The following TAF3 variants were observed in gnomAD, a reference collection of about 807,000 sequenced individuals.
TAF3 encodes transcription initiation factor TFIID subunit 3.
Under a neutral mutation model 80.6 loss-of-function variants are expected in TAF3, and 7 were observed. The ratio of observed to expected loss-of-function variants is 0.09; its 90% CI spans 0.05 to 0.16. The LOEUF (loss-of-function observed/expected upper bound fraction) is 0.16, where lower values mean the gene tolerates loss of function less well. Among genes scored for constraint, TAF3 ranks in the 10% least tolerant of loss-of-function variants. The probability of loss-of-function intolerance (pLI) is 1.00; values close to 1 mark genes in which losing one functional copy is unlikely to be tolerated. For missense variants in TAF3, 921 were observed against 1,140.2 expected (o/e 0.81, Z 2.77); for synonymous variants, 444 against 446.1 (o/e 1.00, Z 0.06).
At chr10:7,985,752 G>A (rs975324239) in intron 4 of TAF3, among the ~76,000 whole-genome samples, 4 of 149,076 alleles carry the variant, frequency 2.7e-5, no homozygotes, top group Non-Finnish European at 3.0e-5. Context: ...GTGGTACTAC[G>A]CTAGACTCAG....
At chr10:7,871,435 C>CTTTTGTTTTTTTTTT (rs1837263965) in intron 2 of TAF3, among the ~76,000 whole-genome samples, 1 of 69,116 alleles carries the variant, frequency 1.4e-5, no homozygotes, top group Non-Finnish European at 2.9e-5. Context: ...ATAACTGCTG[C>CTTTTGTTTTTTTTTT]TTTTTTTTTT....
chr10:7,990,934 C>T (rs1831827653), intron 4 of TAF3, among the ~76,000 whole-genome samples: 1 of 152,176 alleles, frequency 6.6e-6, no homozygotes, highest in South Asian at 2.1e-4. Context: ...CTCCGTAGTC[C>T]TAGATGTTAG....
At chr10:7,988,036 A>G (rs1482137114) in intron 4 of TAF3, among the ~76,000 whole-genome samples, 1 of 152,164 alleles carries the variant, frequency 6.6e-6, no homozygotes, top group Non-Finnish European at 1.5e-5. Flanking sequence ...CTGTGAAGGA[A>G]CCTGGGAAAT....
At chr10:7,884,368 C>T (rs1377451731) in intron 2 of TAF3, among the ~76,000 whole-genome samples, 2 of 147,406 alleles carry the variant, frequency 1.4e-5, no homozygotes, top group Non-Finnish European at 3.0e-5. Flanking sequence ...TGGAAGCAGC[C>T]GTTTCTCCAA....
intron 4 of TAF3, among the ~76,000 whole-genome samples, chr10:7,996,657 T>G (rs559530976): frequency 6.6e-6 from 1 of 151,966 alleles, no homozygotes; most frequent in African/African-American, 2.4e-5. Flanking sequence ...TTTTTTTGTG[T>G]TATCTGTATT....
At chr10:7,860,547 G>A (rs1191974192) in intron 2 of TAF3, among the ~76,000 whole-genome samples, 1 of 151,992 alleles carries the variant, frequency 6.6e-6, no homozygotes, top group East Asian at 1.9e-4. Context: ...TGTACTACTT[G>A]GTTGTCCAGA....
chr10:7,826,231 A>G (rs1836739659), intron 2 of TAF3, among the ~76,000 whole-genome samples: 1 of 152,188 alleles, frequency 6.6e-6, no homozygotes, highest in Non-Finnish European at 1.5e-5. Flanking sequence ...ATACTAACAC[A>G]CCGACAGCCC....
chr10:7,854,611 A>G (rs1050401757), intron 2 of TAF3, among the ~76,000 whole-genome samples: 1 of 145,926 alleles, frequency 6.9e-6, no homozygotes, highest in Admixed American at 6.8e-5. Flanking sequence ...ACCTTGAAGG[A>G]TAAGATTTAA....
chr10:7,870,258 A>G (rs773956528), intron 2 of TAF3, among the ~76,000 whole-genome samples: 4 of 152,212 alleles, frequency 2.6e-5, no homozygotes, highest in Admixed American at 6.5e-5. Flanking sequence ...TGAAATTCTC[A>G]TCAGTCATTG....
intron 2 of TAF3, among the ~76,000 whole-genome samples, chr10:7,866,325 T>C (rs1199152079): frequency 6.6e-6 from 1 of 152,086 alleles, no homozygotes; most frequent in Non-Finnish European, 1.5e-5. Context: ...AATAAGAAGA[T>C]GAGAGATGAG....
Position 8,009,916 on chromosome 10 carries a change from G to A in TAF3, c.2568+586G>A, listed in dbSNP as rs772833476. Among the ~76,000 whole-genome samples the A allele has an allele frequency of 4.0e-5, 6 of 151,490 alleles. No individual in the cohort carries two copies. Among genetic ancestry groups the A allele is most frequent in the Non-Finnish European group, 8.8e-5 (6 of 67,902 alleles). ...ATTACAGGCATGAGCCACCGTGCCCGGCTTTTTTTTTTTGAAAGGGGATTT... is the reference window on the plus strand; with the variant it reads ...ATTACAGGCATGAGCCACCGTGCCCAGCTTTTTTTTTTTGAAAGGGGATTT... On this transcript the variant is annotated intron_variant, in intron 5 of 6. Coordinates refer to ENST00000344293, the MANE Select transcript of TAF3 (RefSeq NM_031923.4). This position sits in a 1 kb window ranked among gnomAD's most constrained non-coding sequence, Gnocchi z 4.1.
intron 2 of TAF3, among the ~76,000 whole-genome samples, chr10:7,933,108 A>G (rs2131198883): frequency 6.6e-6 from 1 of 152,292 alleles, no homozygotes; most frequent in African/African-American, 2.4e-5. Context: ...CAAAAAAAAA[A>G]ATACCTGGCT....
intron 3 of TAF3, among the ~76,000 whole-genome samples, chr10:7,966,496 C>T (rs529237541): frequency 9.8e-5 from 15 of 152,332 alleles, no homozygotes; most frequent in African/African-American, 3.6e-4. Flanking sequence ...GTGACCTCTG[C>T]TTACCCAGCT....
chr10:7,854,566 G>C (rs1837060421), intron 2 of TAF3, among the ~76,000 whole-genome samples: 1 of 151,682 alleles, frequency 6.6e-6, no homozygotes, highest in African/African-American at 2.4e-5. Flanking sequence ...ACTGGAAGAA[G>C]CCTGGGGAGG....
intron 2 of TAF3, among the ~76,000 whole-genome samples, chr10:7,906,587 C>A (rs1837610316): frequency 6.6e-6 from 1 of 151,892 alleles, no homozygotes; most frequent in South Asian, 2.1e-4. Context: ...GCTTTATGGA[C>A]CTGAACAAAT....
chr10:7,838,655 T>G (rs1479984533), intron 2 of TAF3, among the ~76,000 whole-genome samples: 1 of 152,176 alleles, frequency 6.6e-6, no homozygotes, highest in Non-Finnish European at 1.5e-5. Flanking sequence ...GTGTTGGGAT[T>G]ATGGGCGTGA....
intron 3 of TAF3, among the ~76,000 whole-genome samples, chr10:7,971,290 C>T (rs1831619167): frequency 6.6e-6 from 1 of 152,138 alleles, no homozygotes; most frequent in African/African-American, 2.4e-5. Context: ...CTGAGAAATA[C>T]AAGATGGTTA....
intron 3 of TAF3, among the ~76,000 whole-genome samples, chr10:7,973,760 G>A (rs775036372): frequency 6.6e-6 from 1 of 152,176 alleles, no homozygotes; most frequent in Non-Finnish European, 1.5e-5. Context: ...GAAAGATGAG[G>A]AAGTCTTAAA....
intron 3 of TAF3, among the ~76,000 whole-genome samples, chr10:7,969,506 G>C (rs910725995): frequency 6.6e-6 from 1 of 151,996 alleles, no homozygotes; most frequent in Non-Finnish European, 1.5e-5. Flanking sequence ...TGGATCTTTG[G>C]GGTTTAGATG....
Sources: gnomAD v4.1 joint callset for allele counts (sites outside exome capture counted in the v4.1 genomes callset) on GRCh38, gnomAD v4.1.1 for gene constraint, Gnocchi (gnomAD v3.1) non-coding constraint, MANE v1.5 for transcripts, NCBI Gene and HGNC (gene_info 2026-07-23, HGNC 2026-07-21) for gene names.